Variants in DPP10 observed in about 807,000 individuals in gnomAD.
The protein encoded by DPP10 is inactive dipeptidyl peptidase 10.
Under a neutral mutation model 120.9 loss-of-function variants are expected in DPP10, and 33 were observed. The ratio of observed to expected loss-of-function variants is 0.27; its 90% CI spans 0.21 to 0.37. The LOEUF (loss-of-function observed/expected upper bound fraction) is 0.37, where lower values mean the gene tolerates loss of function less well. Among genes scored for constraint, DPP10 ranks in the 10% least tolerant of loss-of-function variants. DPP10 has a pLI of 1.00. For synonymous variants in DPP10, 337 were observed against 326.1 expected (o/e 1.03, Z -0.36); for missense variants, 816 against 942.8 (o/e 0.87, Z 1.76).
rs114884038 is a variant in DPP10, at chr2:114,809,286, G to A, written c.60+366448G>A. ...TAGAAAGAACTATGTTTACTCCTCTGTAAGAAGGCCATTTAGATAACCCAC... is the reference window on the plus strand; with the variant it reads ...TAGAAAGAACTATGTTTACTCCTCTATAAGAAGGCCATTTAGATAACCCAC... On this transcript the variant is annotated intron_variant, in intron 1 of 25. Coordinates refer to ENST00000410059, the MANE Select transcript of DPP10 (RefSeq NM_020868.6). 4.8e-3 allele frequency among the ~76,000 whole-genome samples: 737 copies of A among 152,256 alleles called. 6 individuals are homozygous for A. Among genetic ancestry groups the A allele is most frequent in the African/African-American group, 0.017 (707 of 41,538 alleles).
intron 1 of DPP10, among the ~76,000 whole-genome samples, chr2:114,984,949 C>CA (rs1219013444): frequency 2.6e-5 from 4 of 152,138 alleles, no homozygotes; most frequent in East Asian, 3.9e-4. Context: ...ATCCATGACA[C>CA]ACAGCAGAGG....
At chr2:115,378,966 G>A (rs1049670305) in intron 3 of DPP10, among the ~76,000 whole-genome samples, 10 of 152,154 alleles carry the variant, frequency 6.6e-5, no homozygotes, top group African/African-American at 1.4e-4. Context: ...CTATTTTATT[G>A]AGGATTTTTG....
intron 5 of DPP10, among the ~76,000 whole-genome samples, chr2:115,557,862 T>C (rs1341298977): frequency 6.6e-6 from 1 of 152,182 alleles, no homozygotes; most frequent in Non-Finnish European, 1.5e-5. Flanking sequence ...TTTTATTTAT[T>C]GTGAAAGTTT....
chr2:115,489,266 G>A (rs998966768), intron 3 of DPP10, among the ~76,000 whole-genome samples: 2 of 151,546 alleles, frequency 1.3e-5, no homozygotes, highest in East Asian at 3.9e-4. Context: ...TAGAAAGCCA[G>A]ATTAGCCCAA....
In DPP10 at chr2:114,621,140, A is replaced by C. The variant is rs968494125; in HGVS notation, c.60+178302A>C. 3.1e-4 allele frequency among the ~76,000 whole-genome samples: 47 copies of C among 152,068 alleles called. 2 individuals carry two copies. Among genetic ancestry groups the C allele is most frequent in the Non-Finnish European group, 8.8e-5 (6 of 67,978 alleles). On this transcript the variant is annotated intron_variant, in intron 1 of 25. Coordinates refer to ENST00000410059, the MANE Select transcript of DPP10 (RefSeq NM_020868.6). ...AATGAAACACATGGAAATAGGATTG[A>C]AAATGAAACAAGAATCAGCATTGGA...
At chr2:115,781,562 A>G (rs1347881060) in intron 16 of DPP10, among the ~76,000 whole-genome samples, 2 of 151,936 alleles carry the variant, frequency 1.3e-5, no homozygotes, top group Non-Finnish European at 2.9e-5. Context: ...ATGGTACTGT[A>G]TTTTCCAGAG....
intron 1 of DPP10, among the ~76,000 whole-genome samples, chr2:115,158,743 A>G (rs2052086568): frequency 6.6e-6 from 1 of 152,228 alleles, no homozygotes; most frequent in African/African-American, 2.4e-5. Context: ...TCCATGAATT[A>G]GCTGATCAAA....
intron 1 of DPP10, among the ~76,000 whole-genome samples, chr2:114,658,367 A>G (rs1031235740): frequency 2.8e-4 from 42 of 152,204 alleles, no homozygotes; most frequent in African/African-American, 9.9e-4. Context: ...TCTTGGCTAA[A>G]AGATAGGAGA....
At chr2:115,336,363 A>C (rs1176792026) in intron 2 of DPP10, among the ~76,000 whole-genome samples, 1 of 152,026 alleles carries the variant, frequency 6.6e-6, no homozygotes, top group Non-Finnish European at 1.5e-5. Context: ...AAGATTCTAC[A>C]ATACCTTGTA....
chr2:114,487,906 A>G (rs565459041), intron 1 of DPP10, among the ~76,000 whole-genome samples: 12 of 152,332 alleles, frequency 7.9e-5, no homozygotes, highest in African/African-American at 2.9e-4. Flanking sequence ...AGCACGTTAA[A>G]GGGAAAGAAC....
At chr2:115,836,328 G>T in intron 22 of DPP10, 72 bp downstream of exon 22, 1 of 1,403,276 alleles carries the variant, frequency 7.1e-7, no homozygotes, top group Non-Finnish European at 9.9e-7. Context: ...ATTTAGAATA[G>T]CTCAATTGAG....
intron 1 of DPP10, among the ~76,000 whole-genome samples, chr2:114,706,091 C>T (rs1439250342): frequency 6.6e-6 from 1 of 152,218 alleles, no homozygotes; most frequent in African/African-American, 2.4e-5. Context: ...AAGAACCTAG[C>T]ATATTTGAGG....
chr2:115,494,749 C>T (rs946578187), intron 3 of DPP10, among the ~76,000 whole-genome samples: 9 of 151,950 alleles, frequency 5.9e-5, no homozygotes, highest in Non-Finnish European at 1.0e-4. Context: ...TGGAATGCTA[C>T]AGAATTTCAA....
chr2:115,045,115 T>C (rs1015149131), intron 1 of DPP10, among the ~76,000 whole-genome samples: 3 of 152,202 alleles, frequency 2.0e-5, no homozygotes, highest in African/African-American at 4.8e-5. Context: ...CTGATGTCCT[T>C]TCTTTTGGGT....
At chr2:115,573,441 C>T (rs1246428693) in intron 5 of DPP10, among the ~76,000 whole-genome samples, 1 of 151,500 alleles carries the variant, frequency 6.6e-6, no homozygotes, top group East Asian at 1.9e-4. Context: ...CGCCACCACG[C>T]CCGGCTAATT....
intron 5 of DPP10, chr2:115,526,501 T>C (rs1161254977): frequency 1.3e-5 from 2 of 152,396 alleles, no homozygotes; most frequent in African/African-American, 4.8e-5. Context: ...TAAAATGTTC[T>C]AATTGAAATT....
At chr2:115,206,863 G>A (rs2056168896) in intron 1 of DPP10, among the ~76,000 whole-genome samples, 2 of 152,214 alleles carry the variant, frequency 1.3e-5, no homozygotes, top group Admixed American at 1.3e-4. Flanking sequence ...TAGGCTCAAA[G>A]TATGATGTAA....
chr2:115,500,345 T>A (rs1231002160), intron 4 of DPP10, among the ~76,000 whole-genome samples: 1 of 151,926 alleles, frequency 6.6e-6, no homozygotes, highest in Non-Finnish European at 1.5e-5. Flanking sequence ...AGACTGCCAA[T>A]TAGATGAATG....
intron 5 of DPP10, among the ~76,000 whole-genome samples, chr2:115,632,003 C>T (rs2149319882): frequency 6.6e-6 from 1 of 152,260 alleles, no homozygotes; most frequent in African/African-American, 2.4e-5. Flanking sequence ...CTTATATTGA[C>T]AGTGGGGTGT....
Sources: gnomAD v4.1 joint callset for allele counts (sites outside exome capture counted in the v4.1 genomes callset) on GRCh38, gnomAD v4.1.1 for gene constraint, MANE v1.5 for transcripts, NCBI Gene and HGNC (gene_info 2026-07-23, HGNC 2026-07-21) for gene names.